RAPGEF4: variants seen among roughly 807,000 people sequenced by gnomAD.
The protein encoded by RAPGEF4 is Rap guanine nucleotide exchange factor 4.
RAPGEF4 carries 66 observed loss-of-function variants against 147.9 expected under a neutral mutation model. The ratio of observed to expected loss-of-function variants is 0.45; its 90% CI spans 0.37 to 0.55. RAPGEF4 has a LOEUF of 0.55. RAPGEF4 is among the 20% of genes least tolerant of loss of function. The probability of loss-of-function intolerance (pLI) is 0.00; values close to 1 mark genes in which losing one functional copy is unlikely to be tolerated. For synonymous variants in RAPGEF4, 419 were observed against 442.7 expected (o/e 0.95, Z 0.67); for missense variants, 1,071 against 1,257.3 (o/e 0.85, Z 2.24).
chr2:172,736,219 C>A, intron 1 of RAPGEF4, 171 bp downstream of exon 1: 1 of 402,454 alleles, frequency 2.5e-6, no homozygotes, highest in Non-Finnish European at 4.2e-6. Flanking sequence ...GACAAGGATC[C>A]CCGCCTCTCG....
chr2:172,748,669 T>C (rs1464276637), intron 1 of RAPGEF4, among the ~76,000 whole-genome samples: 2 of 152,178 alleles, frequency 1.3e-5, no homozygotes, highest in East Asian at 3.9e-4. Context: ...CCAAATCTCA[T>C]GTCCTCACAT....
intron 3 of RAPGEF4, among the ~76,000 whole-genome samples, chr2:172,806,916 T>C (rs1031356987): frequency 2.0e-5 from 3 of 152,232 alleles, no homozygotes; most frequent in African/African-American, 7.2e-5. Context: ...TTGAAGAACA[T>C]GTGTGTTTCG....
intron 21 of RAPGEF4, 41 bp downstream of exon 21, chr2:173,017,545 AT>A: frequency 6.4e-7 from 1 of 1,553,536 alleles, no homozygotes; most frequent in Non-Finnish European, 8.9e-7. Context: ...TGTATAGATT[AT>A]TTAGTCAGGA....
chr2:172,977,892 G>C (rs577032500), intron 10 of RAPGEF4, among the ~76,000 whole-genome samples: 1 of 152,328 alleles, frequency 6.6e-6, no homozygotes, highest in Admixed American at 6.5e-5. Flanking sequence ...TGCTGCCTGG[G>C]TGGATTGCCA....
At chr2:172,743,443 G>C (rs1282524884) in intron 1 of RAPGEF4, among the ~76,000 whole-genome samples, 4 of 152,092 alleles carry the variant, frequency 2.6e-5, no homozygotes, top group Non-Finnish European at 5.9e-5. Context: ...CTTTCTTGGC[G>C]CAACTATCTG....
At chr2:172,996,353 A>G (rs1291212516) in intron 15 of RAPGEF4, 113 bp from the exon 16 acceptor site, 2 of 570,920 alleles carry the variant, frequency 3.5e-6, no homozygotes, top group African/African-American at 2.0e-5. Context: ...CATGAAAGGT[A>G]TATGGTTCCC....
At chr2:173,026,546 A>G (rs370707015) in intron 23 of RAPGEF4, 26 bp from the exon 24 acceptor site, 2 of 1,606,624 alleles carry the variant, frequency 1.2e-6, no homozygotes, top group Admixed American at 1.7e-5. Context: ...TGAGTTTCTG[A>G]TATGTTTTTG....
In RAPGEF4 at chr2:172,982,294, C is replaced by A. The variant is rs1290375848; in HGVS notation, c.1005-1202C>A. On this transcript the variant is annotated intron_variant, in intron 10 of 30. Coordinates refer to ENST00000397081, the MANE Select transcript of RAPGEF4 (RefSeq NM_007023.4). ...ATAATTACAGTAATATTGGATAATACCATAAATTGTTAAAATTTTAGGACA... is the reference window on the plus strand; with the variant it reads ...ATAATTACAGTAATATTGGATAATAACATAAATTGTTAAAATTTTAGGACA... Among the ~76,000 whole-genome samples, 7 of 152,110 alleles carry A rather than the reference C, an allele frequency of 4.6e-5. No homozygotes were observed. The East Asian group carries it at 1.4e-3, about 29-fold the overall frequency.
chr2:172,738,120 G>T (rs1313655254), intron 1 of RAPGEF4, among the ~76,000 whole-genome samples: 1 of 152,166 alleles, frequency 6.6e-6, no homozygotes, highest in East Asian at 1.9e-4. Context: ...TTTTAGGAAA[G>T]GAGAAAGGTT....
intron 3 of RAPGEF4, among the ~76,000 whole-genome samples, chr2:172,804,338 C>G (rs909045865): frequency 1.3e-5 from 2 of 152,102 alleles, no homozygotes; most frequent in African/African-American, 4.8e-5. Context: ...TGTAATTGGT[C>G]TAGCAAATTC....
chr2:172,856,479 T>G (rs549299634), intron 4 of RAPGEF4, among the ~76,000 whole-genome samples: 1 of 152,350 alleles, frequency 6.6e-6, no homozygotes, highest in South Asian at 2.1e-4. Context: ...TTTGCATGTG[T>G]AGTAATTTTG....
intron 4 of RAPGEF4, chr2:172,917,486 T>C (rs773397816): frequency 4.7e-5 from 29 of 617,888 alleles, no homozygotes; most frequent in Non-Finnish European, 8.3e-5. Context: ...AAGCTGAGCT[T>C]GTGTTTGTGG....
intron 4 of RAPGEF4, chr2:172,821,737 TAAAAAAAAAA>T (rs35414922): frequency 2.7e-5 from 22 of 820,060 alleles, no homozygotes; most frequent in East Asian, 1.4e-4. Context: ...TAACTAAAGT[TAAAAAAAAAA>T]AAAAAAAAAA....
At chr2:172,743,344 C>T (rs1694468576) in intron 1 of RAPGEF4, among the ~76,000 whole-genome samples, 1 of 152,166 alleles carries the variant, frequency 6.6e-6, no homozygotes, top group Non-Finnish European at 1.5e-5. Context: ...TGTGTTGACT[C>T]AGCTGCATCC....
At chr2:172,914,614 AAGAG>A (rs200355775) in intron 4 of RAPGEF4, among the ~76,000 whole-genome samples, 5,875 of 151,268 alleles carry the variant, frequency 0.039, 171 homozygotes, top group Admixed American at 0.07. Context: ...AGAAAAGAGA[AAGAG>A]AGAGAAAGAG....
chr2:173,008,874 G>A (rs769522264), intron 17 of RAPGEF4, among the ~76,000 whole-genome samples: 6 of 152,200 alleles, frequency 3.9e-5, no homozygotes, highest in Non-Finnish European at 5.9e-5. Context: ...GTGTTTGAAC[G>A]GCAGAGCCGG....
At chr2:172,829,960 A>G (rs1465244078) in intron 4 of RAPGEF4, among the ~76,000 whole-genome samples, 1 of 151,760 alleles carries the variant, frequency 6.6e-6, no homozygotes, top group Non-Finnish European at 1.5e-5. Context: ...GCATTTTTAT[A>G]TTCCATATAT....
At chr2:173,032,667 G>A (rs1438616419) in intron 26 of RAPGEF4, among the ~76,000 whole-genome samples, 2 of 151,480 alleles carry the variant, frequency 1.3e-5, no homozygotes, top group Non-Finnish European at 2.9e-5. Context: ...AGGGCATCAA[G>A]TCTTCCTGAA....
At chr2:172,774,177 G>A (rs1160638117) in intron 1 of RAPGEF4, among the ~76,000 whole-genome samples, 1 of 152,186 alleles carries the variant, frequency 6.6e-6, no homozygotes, top group East Asian at 1.9e-4. Flanking sequence ...CATGACATAT[G>A]GAGCCCTAAA....
Sources: allele counts gnomAD v4.1 joint callset (sites outside exome capture counted in the v4.1 genomes callset), GRCh38; gene constraint gnomAD v4.1.1; transcripts MANE v1.5; gene names NCBI Gene and HGNC (gene_info 2026-07-23, HGNC 2026-07-21).